Variants in RYR2 observed in about 807,000 individuals in gnomAD.
RYR2 encodes the protein ryanodine receptor 2, also known as cardiac muscle ryanodine receptor-calcium release channel.
A neutral mutation model predicts 601.1 loss-of-function variants in RYR2; 227 were observed. The ratio of observed to expected loss-of-function variants is 0.38; its 90% CI spans 0.34 to 0.42. The LOEUF (loss-of-function observed/expected upper bound fraction) is 0.42. Among genes scored for constraint, RYR2 ranks in the 10% least tolerant of loss-of-function variants. RYR2 has a pLI of 1.00. For missense variants in RYR2, 4,646 were observed against 6,156.5 expected (o/e 0.75, Z 8.21); for synonymous variants, 2,223 against 2,175.1 (o/e 1.02, Z -0.61).
At chr1:237,476,899 C>T (rs188401814) in intron 17 of RYR2, among the ~76,000 whole-genome samples, 145 of 152,280 alleles carry the variant, frequency 9.5e-4, no homozygotes, top group African/African-American at 3.2e-3. Context: ...TATTGACTTT[C>T]TCCAGGGTTA....
intron 80 of RYR2, among the ~76,000 whole-genome samples, chr1:237,755,602 T>G (rs1692884303): frequency 6.6e-6 from 1 of 152,250 alleles, no homozygotes; most frequent in Admixed American, 6.5e-5. Context: ...ATTTTTATTT[T>G]CTTCTTTATG....
intron 96 of RYR2, among the ~76,000 whole-genome samples, chr1:237,795,855 TGTATATATATATATATATACAC>T (rs1275503620): frequency 7.9e-6 from 1 of 126,850 alleles, no homozygotes; most frequent in African/African-American, 3.5e-5. Context: ...TATATGTATA[TGTATATATATATATATATACAC>T]ATATATATAT....
chr1:237,590,824 A>G lies in RYR2; in HGVS notation c.3992A>G (p.Lys1331Arg), dbSNP rs1174063746. Residue 1331 changes from lysine to arginine, a missense_variant, in exon 31 of 105, where the codon AAG (lysine) becomes AGG (arginine). Lys to Arg is a conservative substitution (Grantham distance 26). This residue lies in a region of RYR2 where 1,807 missense variants were observed against 2,088.1 expected (regional missense o/e 0.87). Transcript: ENST00000366574. ...CCTGGGGCTGGCCTTTTTGGGCCCA[A>G]GAATGACTTGGAAGATTATGATGCT... ...GLPGAGLFGPKNDLEDYDADS... is the reference protein window; with the variant it reads ...GLPGAGLFGPRNDLEDYDADS... The G allele has an allele frequency of 1.2e-6, 2 of 1,613,864 alleles. No homozygotes were observed. Among genetic ancestry groups the G allele is most frequent in the Non-Finnish European group, 8.5e-7 (1 of 1,179,872 alleles).
intron 95 of RYR2, 127 bp downstream of exon 95, chr1:237,794,124 A>G (rs1221413188): frequency 3.8e-6 from 3 of 783,034 alleles, no homozygotes; most frequent in South Asian, 3.7e-5. Flanking sequence ...TTCAGCCAAG[A>G]AAAATCTAAA....
At chr1:237,615,617 T>C (rs1377926841) in intron 37 of RYR2, among the ~76,000 whole-genome samples, 9 of 152,210 alleles carry the variant, frequency 5.9e-5, no homozygotes, top group African/African-American at 2.2e-4. Context: ...ATCGCTGACC[T>C]GCTTTTTTGC....
intron 1 of RYR2, among the ~76,000 whole-genome samples, chr1:237,205,104 C>G (rs1014262946): frequency 6.6e-6 from 1 of 152,172 alleles, no homozygotes; most frequent in African/African-American, 2.4e-5. Flanking sequence ...TGAGCTCCCC[C>G]AAGGCACTGC....
chr1:237,726,984 C>G lies in RYR2; in HGVS notation c.10726-103C>G, dbSNP rs577434277. The G allele has an allele frequency of 9.4e-6, 6 of 635,906 alleles. No individual in the cohort carries two copies. The South Asian group carries it at 1.0e-4, about 11-fold the overall frequency. The allele number at this position is 635,906 out of a possible 1,614,324, so 39.4% of individuals were successfully genotyped here. Reference sequence around the variant, plus strand: ...AATATAGATTACTTAAGAGGGGCAACTGTTTAATACTATATTTTTGAAGAT... The same window carrying G: ...AATATAGATTACTTAAGAGGGGCAAGTGTTTAATACTATATTTTTGAAGAT... On this transcript the variant is annotated intron_variant, in intron 75 of 104. Transcript: ENST00000366574.
chr1:237,728,788 G>A (rs1359120899), intron 76 of RYR2, among the ~76,000 whole-genome samples: 1 of 150,926 alleles, frequency 6.6e-6, no homozygotes, highest in Non-Finnish European at 1.5e-5. Flanking sequence ...CTGTCGGGGG[G>A]TGGGGGCAAT....
intron 29 of RYR2, among the ~76,000 whole-genome samples, chr1:237,574,305 A>G (rs1023621763): frequency 1.3e-5 from 2 of 152,190 alleles, no homozygotes; most frequent in Non-Finnish European, 2.9e-5. Flanking sequence ...CATTGGACTG[A>G]TAACCATTCA....
intron 58 of RYR2, among the ~76,000 whole-genome samples, chr1:237,668,929 G>T (rs1278990647): frequency 6.6e-6 from 1 of 151,576 alleles, no homozygotes; most frequent in African/African-American, 2.4e-5. Flanking sequence ...CGCAGAGGGG[G>T]ATTTGGCAGG....
At chr1:237,616,900 TC>T (rs1353615907) in intron 37 of RYR2, among the ~76,000 whole-genome samples, 1 of 152,080 alleles carries the variant, frequency 6.6e-6, no homozygotes, top group Non-Finnish European at 1.5e-5. Flanking sequence ...CAGGGGAACT[TC>T]CATTTATAAA....
At chr1:237,256,199 G>GGT (rs1687957035) in intron 1 of RYR2, among the ~76,000 whole-genome samples, 2 of 152,102 alleles carry the variant, frequency 1.3e-5, no homozygotes, top group Admixed American at 6.6e-5. Context: ...CATGTCGCTT[G>GGT]TCTCACATTT....
intron 71 of RYR2, among the ~76,000 whole-genome samples, chr1:237,715,610 A>G (rs187947800): frequency 6.6e-6 from 1 of 152,200 alleles, no homozygotes; most frequent in Admixed American, 6.5e-5. Context: ...CTGCCTATAC[A>G]ACCATAAAAC....
At chr1:237,441,618 A>G (rs1469259820) in intron 13 of RYR2, 135 bp downstream of exon 13, 2 of 661,256 alleles carry the variant, frequency 3.0e-6, no homozygotes, top group East Asian at 2.8e-5. Context: ...GGCAGATTCC[A>G]CTGTAATAGA....
chr1:237,370,984 A>T (rs1413435102), intron 6 of RYR2, among the ~76,000 whole-genome samples: 1 of 152,026 alleles, frequency 6.6e-6, no homozygotes, highest in African/African-American at 2.4e-5. Flanking sequence ...TAAGAGCTTT[A>T]TTAAATTATA....
chr1:237,744,957 C>T lies in RYR2; in HGVS notation c.11145+2608C>T, dbSNP rs373684405. 5.1e-4 allele frequency among the ~76,000 whole-genome samples: 77 copies of T among 151,812 alleles called. No individual in the cohort carries two copies. In the East Asian group the frequency reaches 0.013, roughly 26 times the overall value. ...GACTACAGTGGCGCGCCACCACGCC[C>T]GGCTAAGCTAATTTTTTGTATTTTT... On this transcript the variant is annotated intron_variant, in intron 80 of 104. Transcript: ENST00000366574.
chr1:237,442,700 A>T (rs1708017504), intron 13 of RYR2, among the ~76,000 whole-genome samples: 1 of 152,130 alleles, frequency 6.6e-6, no homozygotes, highest in Non-Finnish European at 1.5e-5. Context: ...TCGAGTTTTT[A>T]AAAAATCCAT....
intron 1 of RYR2, among the ~76,000 whole-genome samples, chr1:237,220,385 C>T (rs2149135459): frequency 6.6e-6 from 1 of 152,312 alleles, no homozygotes; most frequent in Middle Eastern, 3.4e-3. Context: ...GGCTCTCAGG[C>T]CTGACCGGTG....
intron 80 of RYR2, among the ~76,000 whole-genome samples, chr1:237,750,448 C>T (rs1333335159): frequency 6.6e-6 from 1 of 151,092 alleles, no homozygotes; most frequent in African/African-American, 2.4e-5. Flanking sequence ...ATGTAAATTA[C>T]ATAAATATAG....
Sources: gnomAD v4.1 joint callset for allele counts (sites outside exome capture counted in the v4.1 genomes callset) on GRCh38, gnomAD v4.1.1 for gene constraint, gnomAD v4.1.1 regional missense constraint, MANE v1.5 for transcripts, NCBI Gene and HGNC (gene_info 2026-07-23, HGNC 2026-07-21) for gene names.